LRP2: variants seen among roughly 807,000 people sequenced by gnomAD.
LRP2 encodes LDL receptor related protein 2, also known as low-density lipoprotein receptor-related protein 2.
A neutral mutation model predicts 531.0 loss-of-function variants in LRP2; 172 were observed. The ratio of observed to expected loss-of-function variants is 0.32; its 90% CI spans 0.29 to 0.37. The LOEUF (loss-of-function observed/expected upper bound fraction) is 0.37, where lower values mean the gene tolerates loss of function less well. Among genes scored for constraint, LRP2 ranks in the 10% least tolerant of loss-of-function variants. LRP2 has a pLI of 1.00. For missense variants in LRP2, 5,167 were observed against 5,868.3 expected (o/e 0.88, Z 3.90); for synonymous variants, 1,992 against 2,027.6 (o/e 0.98, Z 0.47).
chr2:169,232,105 C>T (rs1005781743), intron 30 of LRP2, among the ~76,000 whole-genome samples: 1 of 151,942 alleles, frequency 6.6e-6, no homozygotes, highest in Admixed American at 6.6e-5. Flanking sequence ...CAGTCTATAA[C>T]TGGATTACGA....
At chr2:169,322,304 T>C (rs1207798655) in intron 1 of LRP2, among the ~76,000 whole-genome samples, 1 of 152,236 alleles carries the variant, frequency 6.6e-6, no homozygotes, top group Non-Finnish European at 1.5e-5. Context: ...ACTTTGTTCA[T>C]GGAATGTTCA....
At chr2:169,158,098 A>ACACACACACACACACAC (rs1574080688) in intron 63 of LRP2, among the ~76,000 whole-genome samples, 1 of 150,988 alleles carries the variant, frequency 6.6e-6, no homozygotes, top group African/African-American at 2.4e-5. Context: ...ACACACACAC[A>ACACACACACACACACAC]AATATATACA....
At chr2:169,209,913 C>T (rs147600681) in intron 37 of LRP2, among the ~76,000 whole-genome samples, 1 of 152,042 alleles carries the variant, frequency 6.6e-6, no homozygotes, top group East Asian at 1.9e-4. Context: ...CTTATTGTAC[C>T]AAGAAACAAG....
At chr2:169,215,786 A>ATTCTATATAGG (rs200749161) in intron 35 of LRP2, among the ~76,000 whole-genome samples, 2,517 of 147,798 alleles carry the variant, frequency 0.017, 66 homozygotes, top group African/African-American at 0.059. Context: ...TCATATATAG[A>ATTCTATATAGG]ATCTATATAG....
intron 9 of LRP2, among the ~76,000 whole-genome samples, chr2:169,285,605 C>T (rs1283102911): frequency 6.6e-6 from 1 of 152,116 alleles, no homozygotes; most frequent in Non-Finnish European, 1.5e-5. Context: ...CTCAAAAACC[C>T]CTTTTTAACT....
chr2:169,213,169 G>A (rs1420193611), intron 36 of LRP2, among the ~76,000 whole-genome samples: 1 of 152,040 alleles, frequency 6.6e-6, no homozygotes, highest in African/African-American at 2.4e-5. Context: ...GTTGAAATAG[G>A]CAACATCCAA....
intron 3 of LRP2, among the ~76,000 whole-genome samples, chr2:169,313,545 T>C (rs773089083): frequency 6.6e-6 from 1 of 152,162 alleles, no homozygotes; most frequent in Non-Finnish European, 1.5e-5. Flanking sequence ...GAACAGCAAA[T>C]GTTACTTCCT....
At chr2:169,280,217 A>G in intron 11 of LRP2, 133 bp downstream of exon 11, 2 of 928,958 alleles carry the variant, frequency 2.2e-6, no homozygotes, top group East Asian at 5.2e-5. Flanking sequence ...AAAGGTGCTG[A>G]TTAACATAAA....
intron 12 of LRP2, among the ~76,000 whole-genome samples, chr2:169,278,395 G>A (rs113568043): frequency 1.3e-5 from 2 of 151,942 alleles, no homozygotes; most frequent in East Asian, 3.9e-4. Context: ...GAGGTGGGAG[G>A]ATTGCTTGAG....
chr2:169,288,991 T>C, intron 9 of LRP2, 35 bp downstream of exon 9: 1 of 1,612,760 alleles, frequency 6.2e-7, no homozygotes, highest in South Asian at 1.1e-5. Context: ...TGTACTGTAA[T>C]GAAAGACAAG....
At position 169,272,919 on chromosome 2, in the gene LRP2, C is replaced by G; in HGVS notation, c.2116+8G>C. 1 of 1,613,592 alleles carries G rather than the reference C, an allele frequency of 6.2e-7. No individual in the cohort carries two copies. The highest frequency in any genetic ancestry group is 8.5e-7 in the Non-Finnish European group (1 of 1,179,656). On this transcript the variant is annotated splice_region_variant and intron_variant, in intron 15 of 78. Coordinates refer to ENST00000649046, the MANE Select transcript of LRP2 (RefSeq NM_004525.3). Reference sequence around the variant, plus strand: ...ACCTGCCAACAACGTCCAAAACAGACTTCTTACCAATGCAGTGGCGCTCAT... The same window carrying G: ...ACCTGCCAACAACGTCCAAAACAGAGTTCTTACCAATGCAGTGGCGCTCAT...
intron 3 of LRP2, among the ~76,000 whole-genome samples, chr2:169,318,418 A>G (rs1386747721): frequency 6.6e-6 from 1 of 152,166 alleles, no homozygotes; most frequent in Non-Finnish European, 1.5e-5. Context: ...AAAGTATGCC[A>G]CAGAGCCAAA....
chr2:169,326,982 T>G (rs1574260250), intron 1 of LRP2, among the ~76,000 whole-genome samples: 2 of 120,706 alleles, frequency 1.7e-5, no homozygotes, highest in East Asian at 5.4e-4. Context: ...CCACCCAGCA[T>G]CCGCCCCATC....
In LRP2 at chr2:169,188,255, G is replaced by A. The variant is rs1479040941; in HGVS notation, c.9043C>T (p.His3015Tyr). The change falls in exon 49 of 79, where the codon CAC (histidine) becomes TAC (tyrosine). Residue 3015 changes from histidine to tyrosine, a missense_variant. Coordinates refer to ENST00000649046, the MANE Select transcript of LRP2 (RefSeq NM_004525.3). ...CIPKIFRCDRHNDCGDYSDER... is the reference protein window; with the variant it reads ...CIPKIFRCDRYNDCGDYSDER... ...TCGCTATAGTCACCACAGTCATTGT[G>A]CCGGTCACACCTGTATCATGAGATC... 1 of 1,614,100 alleles carries A rather than the reference G, an allele frequency of 6.2e-7. No homozygotes were observed. Among genetic ancestry groups the A allele is most frequent in the Non-Finnish European group, 8.5e-7 (1 of 1,180,016 alleles).
chr2:169,172,045 A>C lies in LRP2; in HGVS notation c.11233T>G (p.Cys3745Gly), dbSNP rs1184399999. 6.2e-7 allele frequency: 1 copy of C among 1,614,192 alleles called. No homozygotes were observed. Among genetic ancestry groups the C allele is most frequent in the Non-Finnish European group, 8.5e-7 (1 of 1,180,030 alleles). The change falls in exon 58 of 79, where the codon TGT becomes GGT. Residue 3745 changes from cysteine (C) to glycine (G), a missense_variant. This residue lies in a region of LRP2 where 564 missense variants were observed against 747.7 expected (regional missense o/e 0.75). Coordinates refer to ENST00000649046, the MANE Select transcript of LRP2 (RefSeq NM_004525.3). ...LRWQCDGQND[C>G]GDNSDEENCA... ...TTTTCCTCATCTGAGTTATCTCCAC[A>C]GTCATTTTGCCCATCACACTGCCAA... is the stretch of plus-strand genomic sequence containing the variant.
Position 169,128,501 on chromosome 2 carries a change from C to G in LRP2, c.*162G>C. 1.6e-6 allele frequency: 1 copy of G among 645,000 alleles called. No homozygotes were observed. The highest frequency in any genetic ancestry group is 2.7e-5 in the Admixed American group (1 of 36,662). 40.0% of individuals were successfully genotyped at this position (645,000 alleles called of 1,614,324 possible). On this transcript the variant is annotated 3_prime_UTR_variant, in exon 79 of 79. Transcript: ENST00000649046. ...GATAATTATTTGTAAAAATATGAGA[C>G]GGCATAAGTAAAAAAAGACACACAG...
At chr2:169,308,227 TA>T (rs144989906) in intron 3 of LRP2, among the ~76,000 whole-genome samples, 2,183 of 152,292 alleles carry the variant, frequency 0.014, 54 homozygotes, top group African/African-American at 0.049. Context: ...ATTCCTTTTT[TA>T]TTATTATTAT....
chr2:169,140,572 G>T, intron 71 of LRP2, 27 bp from the exon 72 acceptor site: 3 of 1,565,940 alleles, frequency 1.9e-6, no homozygotes, highest in Non-Finnish European at 2.6e-6. Flanking sequence ...CCATGCAGGT[G>T]TTAGTCAGCT....
intron 10 of LRP2, 34 bp from the exon 11 acceptor site, chr2:169,280,553 T>C (rs775574742): frequency 1.6e-5 from 25 of 1,605,028 alleles, no homozygotes; most frequent in Non-Finnish European, 2.0e-5. Context: ...CACCACTCCT[T>C]CAGATGAGCA....
Sources: allele counts gnomAD v4.1 joint callset (sites outside exome capture counted in the v4.1 genomes callset), GRCh38; gene constraint gnomAD v4.1.1; regional missense constraint gnomAD v4.1.1; transcripts MANE v1.5; gene names NCBI Gene and HGNC (gene_info 2026-07-23, HGNC 2026-07-21).